ARHGEF17: variants seen among roughly 807,000 people sequenced by gnomAD.
The protein encoded by ARHGEF17 is 164 kDa Rho-specific guanine-nucleotide exchange factor.
In ARHGEF17, 80 loss-of-function variants were observed where a neutral mutation model predicts 174.0. That is an observed-to-expected ratio of 0.46 (90% CI 0.38 to 0.55). ARHGEF17 has a LOEUF of 0.55. Ranked by LOEUF, ARHGEF17 falls within the 20% of genes least tolerant of loss-of-function variation. The pLI is 0.00. For synonymous variants in ARHGEF17, 1,311 were observed against 1,189.1 expected (o/e 1.10, Z -2.11); for missense variants, 2,886 against 2,839.7 (o/e 1.02, Z -0.37).
intron 3 of ARHGEF17, chr11:73,353,274 A>G (rs1359608378): frequency 1.7e-5 from 9 of 535,304 alleles, no homozygotes; most frequent in East Asian, 6.5e-5. Flanking sequence ...CCTGGACCCT[A>G]CCCCGCTCCT....
chr11:73,347,217 C>A, intron 2 of ARHGEF17: 1 of 557,416 alleles, frequency 1.8e-6, no homozygotes, highest in South Asian at 2.0e-5. Context: ...CTTCCACGTC[C>A]CCCTGGCAAC....
intron 2 of ARHGEF17, among the ~76,000 whole-genome samples, chr11:73,351,122 A>G (rs1012098283): frequency 6.6e-6 from 1 of 152,220 alleles, no homozygotes; most frequent in Non-Finnish European, 1.5e-5. Flanking sequence ...GACCCAGCCC[A>G]GGAGCTGGCT....
At chr11:73,356,901 T>A in intron 7 of ARHGEF17, 124 bp from the exon 8 acceptor site, 2 of 1,491,750 alleles carry the variant, frequency 1.3e-6, no homozygotes, top group Non-Finnish European at 1.9e-6. Flanking sequence ...GCTCTGACTC[T>A]CTGGGAAGCT....
Position 73,308,704 on chromosome 11 carries a change from G to C in ARHGEF17, c.66G>C (p.Trp22Cys). ...TCTCGTTCAAGCTGCTGGAGCGCTG[G>C]AGCGGCGGCCCCGGGCTGAGGGAGG... is the stretch of plus-strand genomic sequence containing the variant. The part of the protein sequence containing the change: ...RSVSFKLLER[W>C]SGGPGLREED... The change falls in exon 1 of 21, where the codon TGG becomes TGC. Residue 22 changes from tryptophan (W) to cysteine (C), a missense_variant. Trp to Cys is a radical substitution (Grantham distance 215). This residue lies in a region of ARHGEF17 where 1,728 missense variants were observed against 1,461.2 expected (regional missense o/e 1.18). Transcript: ENST00000263674. 1 of 1,516,692 alleles carries C rather than the reference G, an allele frequency of 6.6e-7. No homozygotes were observed. The highest frequency in any genetic ancestry group is 1.9e-4 in the Middle Eastern group (1 of 5,274). The allele number at this position is 1,516,692 out of a possible 1,614,324, so 94.0% of individuals were successfully genotyped here.
At position 73,363,827 on chromosome 11, in the gene ARHGEF17, G is replaced by C; in HGVS notation, c.5327G>C (p.Cys1776Ser). Residue 1776 changes from cysteine to serine, a missense_variant, in exon 16 of 21, where the codon TGC becomes TCC. Physicochemically the swap from Cys to Ser is moderately radical, Grantham distance 112. Coordinates refer to ENST00000263674, the MANE Select transcript of ARHGEF17 (RefSeq NM_014786.4). ...MKLQHAASVT[C>S]ILYLNNQVFV... ...CTCCAGCATGCGGCCTCTGTGACCT[G>C]CATCTTGTAAGGCCCCAGGGTGGCC... The C allele has an allele frequency of 6.2e-7, 1 of 1,613,900 alleles. No homozygotes were observed.
In ARHGEF17 at chr11:73,308,926, C is replaced by G; in HGVS notation, c.288C>G (p.Asp96Glu). The G allele has an allele frequency of 7.3e-7, 1 of 1,364,016 alleles. No homozygotes were observed. Among genetic ancestry groups the G allele is most frequent in the Non-Finnish European group, 9.4e-7 (1 of 1,064,752 alleles). 84.5% of individuals were successfully genotyped at this position (1,364,016 alleles called of 1,614,324 possible). Reference sequence around the variant, plus strand: ...GCTTCGACGCGCCGCGTCTGGACGACGGCTCCGCTGGGACCCGAGACGGAG... The same window carrying G: ...GCTTCGACGCGCCGCGTCTGGACGAGGGCTCCGCTGGGACCCGAGACGGAG... ...SRRFDAPRLDDGSAGTRDGGV... is the reference protein window; with the variant it reads ...SRRFDAPRLDEGSAGTRDGGV... Residue 96 changes from aspartate (D) to glutamate (E), a missense_variant, in exon 1 of 21, where the codon GAC (aspartate) becomes GAG (glutamate). By Grantham distance (45) the Asp-to-Glu change is conservative. Around this residue, in one of 4 missense-constraint regions of ARHGEF17, gnomAD observed 1,728 missense variants for 1,461.2 expected, o/e 1.18. Transcript: ENST00000263674.
rs1218894991 is a variant in ARHGEF17, at chr11:73,308,487, C to A, written c.-152C>A. The A allele has an allele frequency of 4.5e-6, 3 of 665,600 alleles. No homozygotes were observed. Among genetic ancestry groups the A allele is most frequent in the Non-Finnish European group, 6.5e-6 (3 of 461,528 alleles). The allele number at this position is 665,600 out of a possible 1,614,324, so 41.2% of individuals were successfully genotyped here. A position where few individuals can be genotyped will look rare whatever the true frequency, so the allele number is the denominator to read the frequency against. On this transcript the variant is annotated 5_prime_UTR_variant, in exon 1 of 21. Coordinates refer to ENST00000263674, the MANE Select transcript of ARHGEF17 (RefSeq NM_014786.4). Reference sequence around the variant, plus strand: ...GTGGCCACAGAAACTTGAGCCGCGGCAGAGAAACCTCTGCTCCGGTCTCTG... The same window carrying A: ...GTGGCCACAGAAACTTGAGCCGCGGAAGAGAAACCTCTGCTCCGGTCTCTG...
chr11:73,314,547 C>T (rs569426638), intron 1 of ARHGEF17, among the ~76,000 whole-genome samples: 79 of 152,328 alleles, frequency 5.2e-4, no homozygotes, highest in Admixed American at 2.7e-3. Flanking sequence ...AGGAGGGAGT[C>T]AGCCTGCAGG....
chr11:73,348,968 T>G (rs1865508921), intron 2 of ARHGEF17, among the ~76,000 whole-genome samples: 1 of 152,060 alleles, frequency 6.6e-6, no homozygotes, highest in South Asian at 2.1e-4. Flanking sequence ...GCAGAGGGTA[T>G]GTCAGGGACA....
chr11:73,345,249 C>T (rs918493270), intron 1 of ARHGEF17, among the ~76,000 whole-genome samples: 3 of 152,054 alleles, frequency 2.0e-5, no homozygotes, highest in African/African-American at 7.2e-5. Flanking sequence ...AGGCTCTGGT[C>T]TGCTGTTTCC....
intron 2 of ARHGEF17, among the ~76,000 whole-genome samples, chr11:73,352,300 G>C (rs1024500360): frequency 6.6e-6 from 1 of 152,158 alleles, no homozygotes; most frequent in African/African-American, 2.4e-5. Context: ...CTCCAGCCTG[G>C]GTGACAGAGC....
chr11:73,338,842 TCA>T (rs1003206949), intron 1 of ARHGEF17, among the ~76,000 whole-genome samples: 5 of 152,054 alleles, frequency 3.3e-5, no homozygotes, highest in African/African-American at 1.2e-4. Context: ...TCTCTGAGCC[TCA>T]GTTTCCTAGT....
In ARHGEF17 at chr11:73,362,744, G is replaced by C; in HGVS notation, c.4996+10G>C. The C allele has an allele frequency of 6.3e-7, 1 of 1,594,716 alleles. No homozygotes were observed. Among genetic ancestry groups the C allele is most frequent in the Non-Finnish European group, 8.5e-7 (1 of 1,172,860 alleles). On this transcript the variant is annotated intron_variant, in intron 14 of 20. Transcript: ENST00000263674. ...TCCTCCAGCTTTGGCAGTGAGCTTT[G>C]GCCATCTCCTCCAACTTGGCCTTGG... is the stretch of plus-strand genomic sequence containing the variant.
At chr11:73,316,438 C>A (rs1185761845) in intron 1 of ARHGEF17, among the ~76,000 whole-genome samples, 1 of 151,628 alleles carries the variant, frequency 6.6e-6, no homozygotes, top group Admixed American at 6.6e-5. Context: ...TGGTAGGGTC[C>A]GAGAAAAAAA....
At chr11:73,340,919 C>T (rs1290387998) in intron 1 of ARHGEF17, among the ~76,000 whole-genome samples, 2 of 152,194 alleles carry the variant, frequency 1.3e-5, no homozygotes, top group Non-Finnish European at 2.9e-5. Context: ...CGCAGGGAAG[C>T]CCACAATCCA....
Position 73,310,774 on chromosome 11 carries a change from C to A in ARHGEF17, c.2136C>A (p.Val712=), listed in dbSNP as rs267603181. 1 of 1,611,872 alleles carries A rather than the reference C, an allele frequency of 6.2e-7. No homozygotes were observed. Among genetic ancestry groups the A allele is most frequent in the Non-Finnish European group, 8.5e-7 (1 of 1,179,170 alleles). The change falls in exon 1 of 21, where the codon GTC becomes GTA. Residue 712 remains valine (V), a synonymous_variant. Transcript: ENST00000263674. ...GTGCCCTCCGCCGACGACGCAAAGT[C>A]CCACCTTCAGGTTCTGGTGGGAGCG... is the stretch of plus-strand genomic sequence containing the variant. ...TPGALRRRRK[V]PPSGSGGSEL... is the part of the protein sequence containing the mutation.
intron 1 of ARHGEF17, among the ~76,000 whole-genome samples, chr11:73,322,200 T>C (rs565607472): frequency 1.3e-5 from 2 of 152,344 alleles, no homozygotes; most frequent in South Asian, 4.1e-4. Flanking sequence ...GCTGCCTGAA[T>C]CACTGAGGTC....
At chr11:73,341,455 C>T (rs923746652) in intron 1 of ARHGEF17, among the ~76,000 whole-genome samples, 5 of 151,866 alleles carry the variant, frequency 3.3e-5, no homozygotes, top group Non-Finnish European at 5.9e-5. Flanking sequence ...TACAGGCATG[C>T]GCCACCACAC....
intron 1 of ARHGEF17, among the ~76,000 whole-genome samples, chr11:73,345,114 G>C (rs555623528): frequency 6.6e-6 from 1 of 152,144 alleles, no homozygotes; most frequent in Admixed American, 6.6e-5. Context: ...GGCCCTCCAC[G>C]CTCTCCCAAG....
Sources: allele counts gnomAD v4.1 joint callset (sites outside exome capture counted in the v4.1 genomes callset), GRCh38; gene constraint gnomAD v4.1.1; regional missense constraint gnomAD v4.1.1; transcripts MANE v1.5; gene names NCBI Gene and HGNC (gene_info 2026-07-23, HGNC 2026-07-21).